Variants in CDKAL1 observed in about 807,000 individuals in gnomAD.
CDKAL1 encodes the protein threonylcarbamoyladenosine tRNA methylthiotransferase.
In CDKAL1, 32 loss-of-function variants were observed where a neutral mutation model predicts 68.2. That is an observed-to-expected ratio of 0.47 (90% CI 0.35 to 0.63). CDKAL1 has a LOEUF of 0.63. Among genes scored for constraint, CDKAL1 ranks in the 30% least tolerant of loss-of-function variants. The pLI, the probability that CDKAL1 is intolerant of heterozygous loss-of-function variation, is 0.00. For missense variants in CDKAL1, 606 were observed against 696.7 expected, an observed-to-expected ratio of 0.87 and a Z score of 1.47; for synonymous variants, 234 against 244.3, an observed-to-expected ratio of 0.96 and a Z score of 0.39.
Position 21,069,478 on chromosome 6 carries a change from C to A in CDKAL1, c.1236+4250C>A, listed in dbSNP as rs146974364. The stretch of plus-strand genomic sequence containing the variant: ...GAATGGTTTTCAAATATTAAATTAA[C>A]CTTGCATTCCTGTAATAAGCTTTAC... On this transcript the variant is annotated intron_variant, in intron 12 of 15. Transcript: ENST00000274695. Among the ~76,000 whole-genome samples the A allele has an allele frequency of 1.5e-3, 225 of 152,140 alleles. 4 individuals are homozygous for A. In the East Asian group the frequency reaches 0.042, roughly 28 times the overall value.
chr6:20,973,364 A>G (rs977921395), intron 10 of CDKAL1, among the ~76,000 whole-genome samples: 2 of 152,140 alleles, frequency 1.3e-5, no homozygotes, highest in African/African-American at 4.8e-5. Flanking sequence ...CTCATGATTG[A>G]TAGGGTAAGC....
At chr6:20,703,936 A>T (rs1248774098) in intron 5 of CDKAL1, among the ~76,000 whole-genome samples, 1 of 152,184 alleles carries the variant, frequency 6.6e-6, no homozygotes, top group Non-Finnish European at 1.5e-5. Context: ...AGAAATAGTG[A>T]ATTTTTATTT....
chr6:20,992,776 C>T (rs1017831455), intron 10 of CDKAL1, among the ~76,000 whole-genome samples: 1 of 151,792 alleles, frequency 6.6e-6, no homozygotes, highest in African/African-American at 2.4e-5. Flanking sequence ...GTGGCATGTG[C>T]TTGTCATCCC....
chr6:20,800,039 T>C (rs2150404360), intron 8 of CDKAL1, among the ~76,000 whole-genome samples: 1 of 152,392 alleles, frequency 6.6e-6, no homozygotes, highest in Middle Eastern at 3.4e-3. Context: ...TTTGCAGGGC[T>C]GCCTATGAAA....
intron 5 of CDKAL1, among the ~76,000 whole-genome samples, chr6:20,664,903 T>G (rs114858497): frequency 1.5e-3 from 235 of 152,008 alleles, no homozygotes; most frequent in African/African-American, 5.3e-3. Context: ...AAACTCAGAG[T>G]AATCCAGGGC....
In CDKAL1 at chr6:20,849,549, C is replaced by A. The variant is rs181783635; in HGVS notation, c.742+3371C>A. 2.5e-3 allele frequency among the ~76,000 whole-genome samples: 345 copies of A among 136,282 alleles called. 1 individual carries two copies. Among genetic ancestry groups the A allele is most frequent in the African/African-American group, 8.9e-3 (321 of 36,148 alleles). The allele number at this position is 136,282 out of a possible 152,430, so 89.4% of individuals were successfully genotyped here. A position where few individuals can be genotyped will look rare whatever the true frequency, so the allele number is the denominator to read the frequency against. ...AGTGAGCTGAGATTGCGCCACTGAA[C>A]TCGAGCCTGGGCGACAGAGCAAGAC... is the stretch of plus-strand genomic sequence containing the variant. On this transcript the variant is annotated intron_variant, in intron 9 of 15. Coordinates refer to ENST00000274695, the MANE Select transcript of CDKAL1 (RefSeq NM_017774.3).
At chr6:21,113,124 C>T (rs1274042445) in intron 13 of CDKAL1, among the ~76,000 whole-genome samples, 1 of 152,182 alleles carries the variant, frequency 6.6e-6, no homozygotes, top group Non-Finnish European at 1.5e-5. Flanking sequence ...TGCCCAAGAC[C>T]ACTTAATTTG....
At chr6:20,622,007 T>C (rs902972063) in intron 4 of CDKAL1, among the ~76,000 whole-genome samples, 1 of 152,134 alleles carries the variant, frequency 6.6e-6, no homozygotes, top group Non-Finnish European at 1.5e-5. Flanking sequence ...TTAGATATAA[T>C]ACATATATAA....
intron 9 of CDKAL1, among the ~76,000 whole-genome samples, chr6:20,864,666 C>G (rs988763859): frequency 6.6e-6 from 1 of 152,032 alleles, no homozygotes; most frequent in Non-Finnish European, 1.5e-5. Flanking sequence ...AAAGAGAAAA[C>G]TAAATGGAAA....
intron 13 of CDKAL1, among the ~76,000 whole-genome samples, chr6:21,128,222 T>A (rs1775117455): frequency 6.6e-6 from 1 of 152,242 alleles, no homozygotes; most frequent in African/African-American, 2.4e-5. Flanking sequence ...CACTTTACTA[T>A]AGTATAGGCT....
chr6:20,978,608 T>C (rs1765960426), intron 10 of CDKAL1, among the ~76,000 whole-genome samples: 1 of 152,228 alleles, frequency 6.6e-6, no homozygotes, highest in Admixed American at 6.5e-5. Flanking sequence ...AAACGAGCTA[T>C]ATTTGAGACT....
chr6:21,209,204 CTGTACACACCCACAT>C (rs375485837), intron 15 of CDKAL1, among the ~76,000 whole-genome samples: 407 of 152,248 alleles, frequency 2.7e-3, no homozygotes, highest in African/African-American at 9.0e-3. Context: ...CTTTATACAG[CTGTACACACCCACAT>C]AGAGGCATCA....
intron 13 of CDKAL1, among the ~76,000 whole-genome samples, chr6:21,183,402 G>T (rs1777874768): frequency 6.6e-6 from 1 of 152,086 alleles, no homozygotes; most frequent in African/African-American, 2.4e-5. Context: ...AATTCCTCCG[G>T]CACCTTTTTG....
intron 9 of CDKAL1, among the ~76,000 whole-genome samples, chr6:20,859,979 A>G (rs1759527181): frequency 1.3e-5 from 2 of 152,140 alleles, no homozygotes; most frequent in Admixed American, 1.3e-4. Flanking sequence ...TCACCTCCTC[A>G]TAAGGCCCTT....
chr6:20,913,929 T>C (rs1449956179), intron 9 of CDKAL1, among the ~76,000 whole-genome samples: 1 of 151,998 alleles, frequency 6.6e-6, no homozygotes, highest in Admixed American at 6.6e-5. Flanking sequence ...AGTTTGAGGT[T>C]ACATTGAGCT....
chr6:21,189,692 G>T (rs35898446), intron 13 of CDKAL1, among the ~76,000 whole-genome samples: 1,683 of 152,186 alleles, frequency 0.011, 13 homozygotes, highest in Non-Finnish European at 0.017. Context: ...ACATTCTTGT[G>T]TCATGGCCCT....
rs920030736 is a variant in CDKAL1 at position 21,129,511 on chromosome 6, C to A, written c.1299+21048C>A. On this transcript the variant is annotated intron_variant, in intron 13 of 15. Coordinates refer to ENST00000274695, the MANE Select transcript of CDKAL1 (RefSeq NM_017774.3). The stretch of plus-strand genomic sequence containing the variant: ...AAAAAGCTAACTGACATATGTGAAC[C>A]CAGGGTAGACCTCATAATTTACAAT... Among the ~76,000 whole-genome samples the A allele has an allele frequency of 7.3e-4, 111 of 151,822 alleles. 1 individual carries two copies. The highest frequency in any genetic ancestry group is 5.9e-3 in the Admixed American group (90 of 15,242).
At chr6:21,127,116 T>C (rs191693486) in intron 13 of CDKAL1, among the ~76,000 whole-genome samples, 2 of 152,294 alleles carry the variant, frequency 1.3e-5, no homozygotes, top group Admixed American at 1.3e-4. Context: ...GCCAGGGTGT[T>C]AATGTGTTGA....
At chr6:21,201,853 C>G (rs1018126520) in intron 15 of CDKAL1, among the ~76,000 whole-genome samples, 9 of 152,088 alleles carry the variant, frequency 5.9e-5, no homozygotes, top group African/African-American at 1.9e-4. Context: ...TCTCACATTT[C>G]ATTGAGCTAC....
Sources: gnomAD v4.1 joint callset for allele counts (sites outside exome capture counted in the v4.1 genomes callset) on GRCh38, gnomAD v4.1.1 for gene constraint, MANE v1.5 for transcripts, NCBI Gene and HGNC (gene_info 2026-07-23, HGNC 2026-07-21) for gene names.